UBR3: variants seen among roughly 807,000 people sequenced by gnomAD.
UBR3 encodes ubiquitin protein ligase E3 component n-recognin 3.
Under a neutral mutation model 243.2 loss-of-function variants are expected in UBR3, and 85 were observed. The ratio of observed to expected loss-of-function variants is 0.35; its 90% confidence interval spans 0.29 to 0.42. The LOEUF (loss-of-function observed/expected upper bound fraction) is 0.42. Among genes scored for constraint, UBR3 ranks in the 10% least tolerant of loss-of-function variants. The pLI is 1.00. For missense variants in UBR3, 1,686 were observed against 2,300.8 expected (o/e 0.73, Z 5.47); for synonymous variants, 748 against 799.8 (o/e 0.94, Z 1.09).
intron 6 of UBR3, among the ~76,000 whole-genome samples, chr2:169,892,143 G>T (rs2084400160): frequency 1.3e-5 from 2 of 152,182 alleles, no homozygotes; most frequent in African/African-American, 4.8e-5. Context: ...CTATGCTGCT[G>T]CATTTAACTT....
intron 30 of UBR3, among the ~76,000 whole-genome samples, chr2:170,026,100 T>C (rs73975021): frequency 0.022 from 3,357 of 151,980 alleles, 116 homozygotes; most frequent in African/African-American, 0.076. Context: ...TCCTTTTTTT[T>C]AATGAGAAAT....
chr2:169,973,732 G>T (rs567401837), intron 24 of UBR3, among the ~76,000 whole-genome samples: 1 of 152,200 alleles, frequency 6.6e-6, no homozygotes, highest in Non-Finnish European at 1.5e-5. Context: ...TTTCAGTTCT[G>T]TGTTGGAAAA....
chr2:170,058,604 C>T (rs2091392094), intron 33 of UBR3, among the ~76,000 whole-genome samples: 1 of 151,218 alleles, frequency 6.6e-6, no homozygotes, highest in African/African-American at 2.4e-5. Context: ...CAACCTCAAA[C>T]TCCTGGGCTC....
rs1340523454 is a variant in UBR3, at chr2:169,905,175, T to G, written c.1527T>G (p.Thr509=). ...GAGAAGCATTACTGAAGAATAACAC[T>G]TACTGGCCTCTTGTTAGTGATTTTA... ...NCGEALLKNN[T]YWPLVSDFIN... The change falls in exon 9 of 39, where the codon ACT becomes ACG. Residue 509 remains threonine, a synonymous_variant. Coordinates refer to ENST00000272793, the MANE Select transcript of UBR3 (RefSeq NM_172070.4). 6.5e-7 allele frequency: 1 copy of G among 1,546,366 alleles called. No homozygotes were observed. Among genetic ancestry groups the G allele is most frequent in the Non-Finnish European group, 8.7e-7 (1 of 1,144,588 alleles).
At position 170,058,667 on chromosome 2, in the gene UBR3, C is replaced by T. The variant is rs145956482; in HGVS notation, c.4786-2412C>T. On this transcript the variant is annotated intron_variant, in intron 33 of 38. Transcript: ENST00000272793. ...AGTAGCTAGGACTACAGGCACACACCACCACACCTGGCTAACTTTCCCATT... is the reference window on the plus strand; with the variant it reads ...AGTAGCTAGGACTACAGGCACACACTACCACACCTGGCTAACTTTCCCATT... 2.4e-3 allele frequency among the ~76,000 whole-genome samples: 361 copies of T among 152,092 alleles called. 1 individual carries two copies. Among genetic ancestry groups the T allele is most frequent in the African/African-American group, 8.2e-3 (341 of 41,490 alleles).
chr2:169,872,257 T>C lies in UBR3; in HGVS notation c.567T>C (p.Ile189=). ...RESGFCKRHQ[I]KSSSNIPCVP... Reference sequence around the variant, plus strand: ...ACAGGTTTTGCAAAAGGCATCAAATTAAATCAAGTTCAAATATTCCCTGTG... The same window carrying C: ...ACAGGTTTTGCAAAAGGCATCAAATCAAATCAAGTTCAAATATTCCCTGTG... Residue 189 remains isoleucine (I), a synonymous_variant, in exon 2 of 39, where the codon ATT becomes ATC. Coordinates refer to ENST00000272793, the MANE Select transcript of UBR3 (RefSeq NM_172070.4). The C allele has an allele frequency of 6.5e-7, 1 of 1,529,768 alleles. No individual in the cohort carries two copies. The highest frequency in any genetic ancestry group is 2.1e-5 in the Admixed American group (1 of 47,306). 94.8% of individuals were successfully genotyped at this position (1,529,768 alleles called of 1,614,324 possible).
At chr2:170,034,807 T>G (rs1328841246) in intron 31 of UBR3, among the ~76,000 whole-genome samples, 1 of 152,048 alleles carries the variant, frequency 6.6e-6, no homozygotes, top group Non-Finnish European at 1.5e-5. Flanking sequence ...ATGAGAGTTC[T>G]TGTTACTCCA....
At chr2:169,915,787 A>G (rs2085439667) in intron 11 of UBR3, among the ~76,000 whole-genome samples, 1 of 152,156 alleles carries the variant, frequency 6.6e-6, no homozygotes, top group African/African-American at 2.4e-5. Context: ...TTTGTGATCC[A>G]GTTTTCAATT....
chr2:170,081,489 G>A (rs2091905414), intron 38 of UBR3, among the ~76,000 whole-genome samples: 1 of 151,870 alleles, frequency 6.6e-6, no homozygotes, highest in Admixed American at 6.5e-5. Context: ...GACAGAGTGG[G>A]ACTCCGTCTC....
At chr2:169,932,445 T>G (rs2086171062) in intron 18 of UBR3, among the ~76,000 whole-genome samples, 1 of 152,136 alleles carries the variant, frequency 6.6e-6, no homozygotes, top group African/African-American at 2.4e-5. Context: ...ATACTTTTTT[T>G]GGGAAATGAG....
chr2:170,040,755 T>G, intron 31 of UBR3, 127 bp from the exon 32 acceptor site: 1 of 793,754 alleles, frequency 1.3e-6, no homozygotes, highest in Admixed American at 3.1e-5. Context: ...CTAAGGTTTT[T>G]TTTTACATTT....
At chr2:169,893,581 G>T (rs1170700036) in intron 6 of UBR3, among the ~76,000 whole-genome samples, 1 of 152,152 alleles carries the variant, frequency 6.6e-6, no homozygotes, top group African/African-American at 2.4e-5. Context: ...TCAGCACAGG[G>T]TCTCACTGTG....
chr2:169,909,046 A>G (rs1423848345), intron 10 of UBR3, among the ~76,000 whole-genome samples: 5 of 151,636 alleles, frequency 3.3e-5, no homozygotes, highest in Non-Finnish European at 5.9e-5. Flanking sequence ...GATGGTCTCA[A>G]TCTCCTGACC....
chr2:169,891,891 G>C (rs994928156), intron 6 of UBR3, among the ~76,000 whole-genome samples: 2 of 152,134 alleles, frequency 1.3e-5, no homozygotes, highest in African/African-American at 4.8e-5. Context: ...GTCACTAAAA[G>C]CTTTTCTAGA....
At chr2:170,058,569 G>A (rs2091390819) in intron 33 of UBR3, among the ~76,000 whole-genome samples, 1 of 145,384 alleles carries the variant, frequency 6.9e-6, no homozygotes, top group Admixed American at 7.1e-5. Context: ...ACGTTGGAGT[G>A]CAGTGGCATG....
At chr2:169,889,853 G>A (rs1284786073) in intron 5 of UBR3, among the ~76,000 whole-genome samples, 1 of 152,180 alleles carries the variant, frequency 6.6e-6, no homozygotes, top group Middle Eastern at 3.2e-3. Flanking sequence ...TGAAGCTGAG[G>A]CTACTTTTCT....
At chr2:169,856,428 G>T (rs2082866523) in intron 1 of UBR3, among the ~76,000 whole-genome samples, 1 of 152,142 alleles carries the variant, frequency 6.6e-6, no homozygotes, top group South Asian at 2.1e-4. Context: ...TCTTAGACGG[G>T]GTGGCGGCCG....
At chr2:170,053,438 T>C (rs1207412455) in intron 32 of UBR3, among the ~76,000 whole-genome samples, 1 of 152,254 alleles carries the variant, frequency 6.6e-6, no homozygotes, top group Non-Finnish European at 1.5e-5. Flanking sequence ...TGTGTGGTTC[T>C]ACTGGAAGAA....
At chr2:169,883,299 G>T (rs1217079472) in intron 5 of UBR3, among the ~76,000 whole-genome samples, 1 of 152,096 alleles carries the variant, frequency 6.6e-6, no homozygotes. Context: ...TCAGTATGAC[G>T]ACATGTGGTT....
Sources: gnomAD v4.1 joint callset for allele counts (sites outside exome capture counted in the v4.1 genomes callset) on GRCh38, gnomAD v4.1.1 for gene constraint, MANE v1.5 for transcripts, NCBI Gene and HGNC (gene_info 2026-07-23, HGNC 2026-07-21) for gene names.